The following CACNB2 variants were observed in gnomAD, a reference collection of about 807,000 sequenced individuals.
The protein encoded by CACNB2 is voltage-dependent L-type calcium channel subunit beta-2.
In CACNB2, 42 loss-of-function variants were observed where a neutral mutation model predicts 73.3. The ratio of observed to expected loss-of-function variants is 0.57; its 90% CI spans 0.45 to 0.74. The LOEUF (loss-of-function observed/expected upper bound fraction) is 0.74, where lower values mean the gene tolerates loss of function less well. Among genes scored for constraint, CACNB2 ranks in the 30% least tolerant of loss-of-function variants. CACNB2 has a pLI of 0.00. For missense variants in CACNB2, 940 were observed against 853.0 expected (o/e 1.10, Z -1.27); for synonymous variants, 348 against 310.3 (o/e 1.12, Z -1.28).
At chr10:18,464,422 A>ATAAAAAAAATAAAAAAAAT (rs71402170) in intron 3 of CACNB2, among the ~76,000 whole-genome samples, 5 of 131,030 alleles carry the variant, frequency 3.8e-5, no homozygotes, top group African/African-American at 1.9e-4. Context: ...AAAAATTAAA[A>ATAAAAAAAATAAAAAAAAT]AAAAAAAAAA....
At chr10:18,214,107 G>T (rs2035420735) in intron 2 of CACNB2, among the ~76,000 whole-genome samples, 2 of 152,176 alleles carry the variant, frequency 1.3e-5, no homozygotes, top group African/African-American at 4.8e-5. Context: ...TGGAGGCAGG[G>T]GGGCAGTGTG....
intron 2 of CACNB2, among the ~76,000 whole-genome samples, chr10:18,364,132 G>C (rs1038189751): frequency 6.6e-6 from 1 of 151,774 alleles, no homozygotes; most frequent in Non-Finnish European, 1.5e-5. Flanking sequence ...TTTCAGTGGA[G>C]ATGGGGTTTT....
intron 4 of CACNB2, 109 bp from the exon 5 acceptor site, chr10:18,500,703 G>A: frequency 9.2e-7 from 1 of 1,085,500 alleles, no homozygotes; most frequent in East Asian, 2.4e-5. Context: ...TAATATTTAA[G>A]GCATAGTTAA....
chr10:18,200,776 C>T (rs1218213870), intron 2 of CACNB2, among the ~76,000 whole-genome samples: 1 of 152,126 alleles, frequency 6.6e-6, no homozygotes, highest in Non-Finnish European at 1.5e-5. Flanking sequence ...AAGTAGCAGT[C>T]ACTTGCCCCC....
intron 3 of CACNB2, among the ~76,000 whole-genome samples, chr10:18,463,443 G>A (rs899468794): frequency 1.6e-4 from 25 of 151,730 alleles, no homozygotes; most frequent in African/African-American, 6.1e-4. Context: ...GTCCTGCTTT[G>A]TCACCCAGGC....
chr10:18,222,902 A>C (rs1380213735), intron 2 of CACNB2, among the ~76,000 whole-genome samples: 1 of 152,160 alleles, frequency 6.6e-6, no homozygotes, highest in Admixed American at 6.5e-5. Context: ...GCGCCATTGC[A>C]CTCCAGCCTG....
chr10:18,315,528 A>AAAAC (rs1306024951), intron 2 of CACNB2, among the ~76,000 whole-genome samples: 15 of 90,210 alleles, frequency 1.7e-4, no homozygotes, highest in African/African-American at 4.2e-4. Flanking sequence ...AAAAAAAAAA[A>AAAAC]CTTTTTTTTT....
intron 2 of CACNB2, among the ~76,000 whole-genome samples, chr10:18,204,766 C>T (rs2035021149): frequency 6.6e-6 from 1 of 152,132 alleles, no homozygotes; most frequent in Non-Finnish European, 1.5e-5. Context: ...AGACAAACAG[C>T]CTAGAATACA....
chr10:18,356,200 G>C (rs1043580342), intron 2 of CACNB2, among the ~76,000 whole-genome samples: 4 of 152,068 alleles, frequency 2.6e-5, no homozygotes, highest in African/African-American at 9.7e-5. Context: ...GCTGCCATAG[G>C]CTGGGCCTCT....
chr10:18,488,765 C>T lies in CACNB2; in HGVS notation c.334-9590C>T, dbSNP rs147930558. On this transcript the variant is annotated intron_variant, in intron 3 of 13. Transcript: ENST00000324631. ...AAACATGTAAATGTTGTGGAACTGCCATCTACACACCCCTTTAAATGAAAA... is the reference window on the plus strand; with the variant it reads ...AAACATGTAAATGTTGTGGAACTGCTATCTACACACCCCTTTAAATGAAAA... Among the ~76,000 whole-genome samples the T allele has an allele frequency of 1.7e-3, 253 of 150,774 alleles. 1 individual carries two copies. The highest frequency in any genetic ancestry group is 5.8e-3 in the African/African-American group (236 of 40,964).
intron 2 of CACNB2, among the ~76,000 whole-genome samples, chr10:18,173,950 A>G (rs1461633156): frequency 6.6e-6 from 1 of 152,186 alleles, no homozygotes; most frequent in Non-Finnish European, 1.5e-5. Context: ...TGAGTCTCAG[A>G]TGGCCTTTAT....
chr10:18,280,648 C>T (rs1327508191), intron 2 of CACNB2, among the ~76,000 whole-genome samples: 2 of 152,160 alleles, frequency 1.3e-5, no homozygotes, highest in South Asian at 4.1e-4. Flanking sequence ...TACATGGCAG[C>T]CCTGTCTTCA....
At chr10:18,145,303 G>A (rs767903659) in intron 1 of CACNB2, among the ~76,000 whole-genome samples, 2 of 152,186 alleles carry the variant, frequency 1.3e-5, no homozygotes, top group African/African-American at 2.4e-5. Flanking sequence ...CTTAGGTCCC[G>A]TGTGCAAATG....
At chr10:18,236,180 T>G (rs2036436430) in intron 2 of CACNB2, among the ~76,000 whole-genome samples, 1 of 152,060 alleles carries the variant, frequency 6.6e-6, no homozygotes, top group Admixed American at 6.6e-5. Context: ...GGACTTCTGA[T>G]CCTGTGGCTC....
At chr10:18,481,880 C>T (rs1051868877) in intron 3 of CACNB2, among the ~76,000 whole-genome samples, 4 of 152,108 alleles carry the variant, frequency 2.6e-5, no homozygotes, top group African/African-American at 9.7e-5. Context: ...ATGAAATAAG[C>T]TGGTCACAAT....
intron 3 of CACNB2, among the ~76,000 whole-genome samples, chr10:18,465,944 G>A (rs1487883100): frequency 6.6e-6 from 1 of 152,066 alleles, no homozygotes; most frequent in East Asian, 1.9e-4. Flanking sequence ...GCCTCCCAAA[G>A]TGCTGGGATT....
At chr10:18,283,382 G>C (rs1359475899) in intron 2 of CACNB2, among the ~76,000 whole-genome samples, 1 of 152,154 alleles carries the variant, frequency 6.6e-6, no homozygotes, top group African/African-American at 2.4e-5. Context: ...TATATTTATT[G>C]CAGCACTATT....
At chr10:18,507,152 T>C (rs1041799050) in intron 6 of CACNB2, among the ~76,000 whole-genome samples, 1 of 152,184 alleles carries the variant, frequency 6.6e-6, no homozygotes, top group African/African-American at 2.4e-5. Context: ...GGGCAGTAAA[T>C]GGGTGAATAC....
At chr10:18,366,567 G>T (rs2042362423) in intron 2 of CACNB2, among the ~76,000 whole-genome samples, 1 of 149,620 alleles carries the variant, frequency 6.7e-6, no homozygotes, top group South Asian at 2.1e-4. Flanking sequence ...TTTTGGGCTG[G>T]GCAGAGTGGC....
Sources: allele counts gnomAD v4.1 joint callset (sites outside exome capture counted in the v4.1 genomes callset), GRCh38; gene constraint gnomAD v4.1.1; transcripts MANE v1.5; gene names NCBI Gene and HGNC (gene_info 2026-07-23, HGNC 2026-07-21).